MYBL2: variants seen among roughly 807,000 people sequenced by gnomAD.
The protein encoded by MYBL2 is MYB proto-oncogene like 2.
A neutral mutation model predicts 79.9 loss-of-function variants in MYBL2; 28 were observed. The ratio of observed to expected loss-of-function variants is 0.35; its 90% CI spans 0.26 to 0.48. The LOEUF (loss-of-function observed/expected upper bound fraction) is 0.48. Ranked by LOEUF, MYBL2 falls within the 20% of genes least tolerant of loss-of-function variation. MYBL2 has a pLI of 0.99. For synonymous variants in MYBL2, 378 were observed against 361.2 expected (o/e 1.05, Z -0.53); for missense variants, 735 against 893.9 (o/e 0.82, Z 2.27).
intron 1 of MYBL2, among the ~76,000 whole-genome samples, chr20:43,671,932 G>A (rs1353673269): frequency 1.3e-5 from 2 of 151,630 alleles, no homozygotes; most frequent in Non-Finnish European, 2.9e-5. Flanking sequence ...ACACTGGGCC[G>A]GGCGCGGTGG....
chr20:43,692,464 TC>T lies in MYBL2; in HGVS notation c.663+146del, dbSNP rs145651639. 1.9e-3 allele frequency: 1,793 copies of T among 968,930 alleles called. 34 individuals are homozygous for T. In the African/African-American group the frequency reaches 0.025, roughly 13 times the overall value. The allele number at this position is 968,930 out of a possible 1,614,324, so 60.0% of individuals were successfully genotyped here. ...TGTGCTTCTGGGGCCTTGTGAGACT[TC>T]TGCACATAACTGGCACTTGTCTGCC... is the stretch of plus-strand genomic sequence containing the variant. On this transcript the variant is annotated intron_variant, in intron 6 of 13. Transcript: ENST00000217026.
chr20:43,667,304 G>A lies in MYBL2; in HGVS notation c.20+1G>A. The A allele has an allele frequency of 8.1e-7, 1 of 1,229,732 alleles. No individual in the cohort carries two copies. The highest frequency in any genetic ancestry group is 3.2e-5 in the East Asian group (1 of 31,464). 76.2% of individuals were successfully genotyped at this position (1,229,732 alleles called of 1,614,324 possible). ...GGGGGATGTCTCGGCGGACGCGCTG[G>A]TGAGACGAGCCGGGAGGGCTTGGGC... On this transcript the variant is annotated splice_donor_variant, in intron 1 of 13. Coordinates refer to ENST00000217026, the MANE Select transcript of MYBL2 (RefSeq NM_002466.4). LOFTEE classifies it high-confidence loss of function.
At chr20:43,681,627 C>G (rs951618739) in intron 2 of MYBL2, among the ~76,000 whole-genome samples, 157 bp from the exon 3 acceptor site, 1 of 152,230 alleles carries the variant, frequency 6.6e-6, no homozygotes, top group African/African-American at 2.4e-5. Flanking sequence ...CTTTTGCTGC[C>G]TGCTGCTGCA....
At chr20:43,709,785 C>T (rs554043539) in intron 9 of MYBL2, among the ~76,000 whole-genome samples, 178 bp from the exon 10 acceptor site, 145 of 152,324 alleles carry the variant, frequency 9.5e-4, no homozygotes, top group African/African-American at 3.4e-3. Context: ...CTTAGACTCC[C>T]CTCTCCCTTC....
chr20:43,681,646 G>A, intron 2 of MYBL2, 138 bp from the exon 3 acceptor site: 1 of 836,868 alleles, frequency 1.2e-6, no homozygotes, highest in Non-Finnish European at 2.0e-6. Flanking sequence ...CAGCTGTAGT[G>A]CCTGGCACCT....
At chr20:43,710,568 G>T (rs1213264728) in intron 10 of MYBL2, among the ~76,000 whole-genome samples, 1 of 152,192 alleles carries the variant, frequency 6.6e-6, no homozygotes, top group Non-Finnish European at 1.5e-5. Flanking sequence ...AAAGGAGTTG[G>T]CACCTTGGGC....
At chr20:43,704,002 C>T (rs1401076979) in intron 8 of MYBL2, among the ~76,000 whole-genome samples, 1 of 152,096 alleles carries the variant, frequency 6.6e-6, no homozygotes, top group Non-Finnish European at 1.5e-5. Flanking sequence ...GATTAGGGCC[C>T]ACTCTAATGA....
At chr20:43,711,410 C>A in intron 10 of MYBL2, 78 bp from the exon 11 acceptor site, 1 of 1,121,366 alleles carries the variant, frequency 8.9e-7, no homozygotes, top group Non-Finnish European at 1.3e-6. Context: ...CCAGTTGCAG[C>A]TGGGTTGGTC....
intron 9 of MYBL2, among the ~76,000 whole-genome samples, chr20:43,706,719 G>GGTTTTTTTTTTTTTTT (rs1987791071): frequency 1.4e-5 from 1 of 70,780 alleles, no homozygotes; most frequent in African/African-American, 6.0e-5. Context: ...AAAAAAAAAA[G>GGTTTTTTTTTTTTTTT]TTTTTTTTTT....
At chr20:43,690,019 C>A (rs1424148450) in intron 5 of MYBL2, among the ~76,000 whole-genome samples, 1 of 151,942 alleles carries the variant, frequency 6.6e-6, no homozygotes, top group African/African-American at 2.4e-5. Context: ...AGGGAAGGGG[C>A]CAAGCAAGGG....
chr20:43,673,099 G>A (rs1344418728), intron 1 of MYBL2, among the ~76,000 whole-genome samples: 1 of 151,712 alleles, frequency 6.6e-6, no homozygotes, highest in Non-Finnish European at 1.5e-5. Context: ...ATGCGCCACC[G>A]CACCCAGCTA....
chr20:43,703,103 A>G (rs1987709905), intron 8 of MYBL2, among the ~76,000 whole-genome samples, 200 bp downstream of exon 8: 2 of 152,222 alleles, frequency 1.3e-5, no homozygotes, highest in African/African-American at 4.8e-5. Flanking sequence ...GCATATGTGT[A>G]TCTAGTCTGG....
chr20:43,703,333 G>A (rs977627087), intron 8 of MYBL2, among the ~76,000 whole-genome samples: 2 of 152,232 alleles, frequency 1.3e-5, no homozygotes, highest in Non-Finnish European at 2.9e-5. Flanking sequence ...TGCTGGGGAT[G>A]GGCTTGTAAT....
At chr20:43,698,335 C>T (rs1378825296) in intron 6 of MYBL2, among the ~76,000 whole-genome samples, 2 of 140,352 alleles carry the variant, frequency 1.4e-5, no homozygotes, top group South Asian at 4.5e-4. Flanking sequence ...CAGGTGTGAG[C>T]CACCACGCCC....
intron 4 of MYBL2, among the ~76,000 whole-genome samples, chr20:43,684,045 C>T (rs1987208755): frequency 6.6e-6 from 1 of 151,964 alleles, no homozygotes; most frequent in Non-Finnish European, 1.5e-5. Flanking sequence ...CCTCCCACCT[C>T]AGCTTCTAAA....
At chr20:43,672,547 A>G (rs112624314) in intron 1 of MYBL2, among the ~76,000 whole-genome samples, 1 of 152,292 alleles carries the variant, frequency 6.6e-6, no homozygotes, top group African/African-American at 2.4e-5. Context: ...GGAGTTCCAG[A>G]TGAGCCTAGG....
intron 2 of MYBL2, among the ~76,000 whole-genome samples, chr20:43,674,732 A>G (rs1986964950): frequency 6.6e-6 from 1 of 151,242 alleles, no homozygotes; most frequent in African/African-American, 2.4e-5. Flanking sequence ...GAGTTTCACC[A>G]TGTTGGCCAG....
At chr20:43,668,725 C>T (rs1986784762) in intron 1 of MYBL2, among the ~76,000 whole-genome samples, 1 of 144,454 alleles carries the variant, frequency 6.9e-6, no homozygotes, top group Non-Finnish European at 1.5e-5. Flanking sequence ...TCTCCGTCTG[C>T]AGTCCAGGCC....
chr20:43,671,740 G>A (rs1165797434), intron 1 of MYBL2, among the ~76,000 whole-genome samples: 1 of 151,948 alleles, frequency 6.6e-6, no homozygotes, highest in African/African-American at 2.4e-5. Flanking sequence ...AAAGTGCTGG[G>A]ATTACAGGTG....
Sources: allele counts gnomAD v4.1 joint callset (sites outside exome capture counted in the v4.1 genomes callset), GRCh38; gene constraint gnomAD v4.1.1; transcripts MANE v1.5; gene names NCBI Gene and HGNC (gene_info 2026-07-23, HGNC 2026-07-21).